EVC2: variants seen among roughly 807,000 people sequenced by gnomAD.
EVC2 encodes limbin.
EVC2 carries 148 observed loss-of-function variants against 149.3 expected under a neutral mutation model. The observed-to-expected ratio is 0.99, with a 90% CI of 0.87 to 1.14. EVC2 has a LOEUF of 1.14. Ranked by LOEUF, EVC2 falls within the 50% of genes most tolerant of loss-of-function variation. EVC2 has a pLI of 0.00. For missense variants in EVC2, 1,854 were observed against 1,627.3 expected (o/e 1.14, Z -2.40); for synonymous variants, 776 against 649.9 (o/e 1.19, Z -2.95).
chr4:5,565,420 C>A, intron 20 of EVC2, 61 bp from the exon 21 acceptor site: 1 of 1,531,472 alleles, frequency 6.5e-7, no homozygotes, highest in Middle Eastern at 1.7e-4. Context: ...ACTGTAATCC[C>A]AGCACTTTGG....
At chr4:5,684,627 C>T (rs987389834) in intron 6 of EVC2, among the ~76,000 whole-genome samples, 11 of 152,096 alleles carry the variant, frequency 7.2e-5, no homozygotes, top group Non-Finnish European at 5.9e-5. Context: ...GCATTCACTG[C>T]GTAAGTGAAC....
intron 21 of EVC2, among the ~76,000 whole-genome samples, chr4:5,557,095 T>TA (rs1721853462): frequency 6.6e-6 from 1 of 151,820 alleles, no homozygotes; most frequent in Non-Finnish European, 1.5e-5. Context: ...AACTGTAATA[T>TA]AAAAAACAGA....
chr4:5,578,296 A>C (rs1723054424), intron 17 of EVC2, among the ~76,000 whole-genome samples: 4 of 152,136 alleles, frequency 2.6e-5, no homozygotes, highest in African/African-American at 9.7e-5. Context: ...CAATAACAAC[A>C]ATGATGATGA....
the EVC2 span, among the ~76,000 whole-genome samples, chr4:5,533,022 G>A: frequency 6.6e-6 from 1 of 150,692 alleles, no homozygotes; most frequent in Non-Finnish European, 1.5e-5. Flanking sequence ...TGCCCACCAT[G>A]TGCCTGCATC....
In EVC2 at chr4:5,706,351, TAGAC is replaced by T. The variant is rs201383590; in HGVS notation, c.228+1931_228+1934del. On this transcript the variant is annotated intron_variant, in intron 1 of 21. Transcript: ENST00000344408. ...ATAGATAGATAGATACATAGATAGA[TAGAC>T]ACATAGATAGATACATAGATAGATA... Among the ~76,000 whole-genome samples, 32 of 48,580 alleles carry T rather than the reference TAGAC, an allele frequency of 6.6e-4. 4 individuals are homozygous for T. Among genetic ancestry groups the T allele is most frequent in the African/African-American group, 3.5e-3 (27 of 7,686 alleles). The allele number at this position is 48,580 out of a possible 152,430, so 31.9% of individuals were successfully genotyped here.
the EVC2 span, among the ~76,000 whole-genome samples, chr4:5,531,504 A>G: frequency 6.6e-6 from 1 of 152,134 alleles, no homozygotes; most frequent in Non-Finnish European, 1.5e-5. Flanking sequence ...GCGAAGTTTC[A>G]TCTGTATTGA....
At chr4:5,540,592 A>G (rs368208933), downstream of EVC2, among the ~76,000 whole-genome samples, 48 of 152,346 alleles carry the variant, frequency 3.2e-4, no homozygotes, top group African/African-American at 1.2e-3. Context: ...TTTATATAAA[A>G]TGCTTTAAAA....
At chr4:5,595,729 A>C (rs1171015813) in intron 16 of EVC2, among the ~76,000 whole-genome samples, 1 of 152,214 alleles carries the variant, frequency 6.6e-6, no homozygotes, top group Non-Finnish European at 1.5e-5. Context: ...TATTAACTTT[A>C]AATGTAAATG....
chr4:5,566,349 C>T (rs1211389588), intron 20 of EVC2, among the ~76,000 whole-genome samples: 1 of 152,128 alleles, frequency 6.6e-6, no homozygotes, highest in Non-Finnish European at 1.5e-5. Context: ...CAGGCAGGCT[C>T]TCTCCCAGGA....
chr4:5,612,471 G>C (rs182082081), intron 16 of EVC2, among the ~76,000 whole-genome samples: 1 of 152,320 alleles, frequency 6.6e-6, no homozygotes, highest in East Asian at 1.9e-4. Flanking sequence ...GGATCCGTAA[G>C]GGATTGGAGC....
intron 16 of EVC2, among the ~76,000 whole-genome samples, chr4:5,606,019 C>A (rs1714368930): frequency 6.6e-6 from 1 of 152,224 alleles, no homozygotes; most frequent in Non-Finnish European, 1.5e-5. Context: ...CTAGGTCAAA[C>A]TAAGATGAGG....
At chr4:5,629,265 T>C (rs1371528782) in intron 11 of EVC2, among the ~76,000 whole-genome samples, 3 of 152,226 alleles carry the variant, frequency 2.0e-5, no homozygotes, top group African/African-American at 7.2e-5. Context: ...GTGAGGTGTG[T>C]TCTCTGGACC....
At chr4:5,594,047 T>C (rs974013487) in intron 16 of EVC2, among the ~76,000 whole-genome samples, 4 of 152,114 alleles carry the variant, frequency 2.6e-5, no homozygotes, top group Admixed American at 6.5e-5. Context: ...CAGGCTTGCT[T>C]AGGTAAACAA....
intron 9 of EVC2, among the ~76,000 whole-genome samples, chr4:5,654,219 A>T (rs1299929150): frequency 6.6e-6 from 1 of 152,178 alleles, no homozygotes; most frequent in East Asian, 1.9e-4. Flanking sequence ...GTCTCAAAAA[A>T]AAAAGAGGTT....
At position 5,679,936 on chromosome 4, in the gene EVC2, C is replaced by T. The variant is rs1309930405; in HGVS notation, c.870+1324G>A. Among the ~76,000 whole-genome samples, 2 of 152,124 alleles carry T rather than the reference C, an allele frequency of 1.3e-5. No individual in the cohort carries two copies. Among genetic ancestry groups the T allele is most frequent in the African/African-American group, 2.4e-5 (1 of 41,426 alleles). Reference sequence around the variant, plus strand: ...TTTCTTTATATCCTTACTCTGTAAGCTTTCTATATTTTTAAGGTATTTTTT... The same window carrying T: ...TTTCTTTATATCCTTACTCTGTAAGTTTTCTATATTTTTAAGGTATTTTTT... On this transcript the variant is annotated intron_variant, in intron 7 of 21. Transcript: ENST00000344408. This position sits in a 1 kb window ranked among gnomAD's most constrained non-coding sequence, Gnocchi z 5.1.
intron 7 of EVC2, among the ~76,000 whole-genome samples, chr4:5,666,318 T>C (rs578121399): frequency 3.9e-5 from 6 of 152,168 alleles, no homozygotes; most frequent in African/African-American, 7.2e-5. Context: ...AATATTATTA[T>C]GATTAGGCAA....
At position 5,614,342 on chromosome 4, in the gene EVC2, C is replaced by T. The variant is rs113985425; in HGVS notation, c.2829+1080G>A. Among the ~76,000 whole-genome samples, 2,267 of 152,298 alleles carry T rather than the reference C, an allele frequency of 0.015. 50 individuals carry two copies. The highest frequency in any genetic ancestry group is 0.051 in the African/African-American group (2,140 of 41,554). On this transcript the variant is annotated intron_variant, in intron 16 of 21. Coordinates refer to ENST00000344408, the MANE Select transcript of EVC2 (RefSeq NM_147127.5). This position sits in a 1 kb window ranked among gnomAD's most constrained non-coding sequence, Gnocchi z 4.7. ...GCTCGCCTCTACTGGAGAGCAGGGA[C>T]CAGGGCTGCCTCAGTCACTGCTGCA...
chr4:5,591,594 G>C lies in EVC2; in HGVS notation c.2830-6744C>G, dbSNP rs1438900278. On this transcript the variant is annotated intron_variant, in intron 16 of 21. Transcript: ENST00000344408. ...TTTATGTAAATGCATGAATAAATGT[G>C]GGTGAAGTGTAAAGCCTTTTGTATA... Among the ~76,000 whole-genome samples the C allele has an allele frequency of 2.0e-5, 3 of 152,218 alleles. No individual in the cohort carries two copies. The East Asian group carries it at 5.8e-4, about 29-fold the overall frequency.
At chr4:5,545,280 TA>T (rs1283903282) in intron 21 of EVC2, among the ~76,000 whole-genome samples, 1 of 152,108 alleles carries the variant, frequency 6.6e-6, no homozygotes, top group Non-Finnish European at 1.5e-5. Flanking sequence ...GTTGAAAGAA[TA>T]AATAGATAAT....
Sources: allele counts gnomAD v4.1 joint callset (sites outside exome capture counted in the v4.1 genomes callset), GRCh38; gene constraint gnomAD v4.1.1; non-coding constraint Gnocchi (gnomAD v3.1); transcripts MANE v1.5; gene names NCBI Gene and HGNC (gene_info 2026-07-23, HGNC 2026-07-21).